The following FBN3 variants were observed in gnomAD, a reference collection of about 807,000 sequenced individuals.
FBN3 encodes the protein fibrillin-3.
Under a neutral mutation model 330.1 loss-of-function variants are expected in FBN3, and 234 were observed. That is an observed-to-expected ratio of 0.71 (90% CI 0.64 to 0.79). The LOEUF is 0.79. Among genes scored for constraint, FBN3 ranks in the 30% least tolerant of loss-of-function variants. The probability of loss-of-function intolerance (pLI) is 0.00; values close to 1 mark genes in which losing one functional copy is unlikely to be tolerated. For missense variants in FBN3, 3,606 were observed against 3,886.9 expected (o/e 0.93, Z 1.92); for synonymous variants, 1,458 against 1,517.3 (o/e 0.96, Z 0.91).
At chr19:8,068,778 T>G (rs913053752) in intron 63 of FBN3, among the ~76,000 whole-genome samples, 1 of 152,094 alleles carries the variant, frequency 6.6e-6, no homozygotes, top group Admixed American at 6.6e-5. Flanking sequence ...CCTTGGCATC[T>G]CAAGTCTGGT....
chr19:8,073,081 T>C lies in FBN3; in HGVS notation c.7919A>G (p.Tyr2640Cys). Residue 2640 changes from tyrosine (Y) to cysteine (C), a missense_variant, in exon 62 of 64, where the codon TAC becomes TGC. Physicochemically the swap from Tyr to Cys is radical, Grantham distance 194. Coordinates refer to ENST00000600128, the MANE Select transcript of FBN3 (RefSeq NM_032447.5). ...GGFLCGCPQG[Y>C]FRAGQGHCVS... ...CTCTCACCCTTGCCCAGCCCGGAAG[T>C]AGCCTTGAGGACAGCCGCACAGGAA... 3 of 1,609,666 alleles carry C rather than the reference T, an allele frequency of 1.9e-6. No individual in the cohort carries two copies. Among genetic ancestry groups the C allele is most frequent in the Non-Finnish European group, 2.5e-6 (3 of 1,177,478 alleles).
At chr19:8,091,732 T>C (rs967515219) in intron 47 of FBN3, 142 bp from the exon 48 acceptor site, 5 of 856,520 alleles carry the variant, frequency 5.8e-6, no homozygotes, top group Non-Finnish European at 7.2e-6. Context: ...GAGCTCAGTA[T>C]GAGCTTCAGC....
At chr19:8,094,921 C>G (rs1356775430) in intron 46 of FBN3, among the ~76,000 whole-genome samples, 2 of 152,222 alleles carry the variant, frequency 1.3e-5, no homozygotes, top group Non-Finnish European at 2.9e-5. Context: ...CCCTACACAA[C>G]AAACCCCATA....
chr19:8,123,410 C>T (rs2082900684), intron 24 of FBN3, 54 bp downstream of exon 24: 5 of 1,585,514 alleles, frequency 3.2e-6, no homozygotes, highest in East Asian at 2.3e-5. Context: ...TTATTTGAGG[C>T]CCCTATCCCT....
At chr19:8,127,048 G>GTTTT (rs140844932) in intron 18 of FBN3, among the ~76,000 whole-genome samples, 111 of 113,894 alleles carry the variant, frequency 9.7e-4, no homozygotes, top group African/African-American at 3.3e-3. Flanking sequence ...ATGCCAAACT[G>GTTTT]TTTTTTTTTT....
chr19:8,102,850 G>C lies in FBN3; in HGVS notation c.4963C>G (p.Arg1655Gly). The C allele has an allele frequency of 6.2e-7, 1 of 1,614,092 alleles. No individual in the cohort carries two copies. The highest frequency in any genetic ancestry group is 1.1e-5 in the South Asian group (1 of 91,080). ...TTTTGACATGTGCCGTTATAGTGCC[G>C]GAAGCAGACACTCTTCCTCATATCT... The part of the protein sequence containing the change: ...CMDMRKSVCF[R>G]HYNGTCQNEL... The change falls in exon 40 of 64, where the codon CGG becomes GGG. Residue 1655 changes from arginine (R) to glycine (G), a missense_variant. Transcript: ENST00000600128.
chr19:8,147,489 C>A lies in FBN3; in HGVS notation c.-9G>T. 6.8e-7 allele frequency: 1 copy of A among 1,462,198 alleles called. No homozygotes were observed. The highest frequency in any genetic ancestry group is 1.5e-5 in the South Asian group (1 of 68,632). The allele number at this position is 1,462,198 out of a possible 1,614,324, so 90.6% of individuals were successfully genotyped here. ...AGACCCTCCAGAGTCATGGCGTGTC[C>A]CCTGGAGGCTGCGGAGAGGAAGCAG... On this transcript the variant is annotated 5_prime_UTR_variant, in exon 2 of 64. Transcript: ENST00000600128.
rs780859831 is a variant in FBN3, at chr19:8,147,371, A to C, written c.110T>G (p.Leu37Trp). 6 of 1,601,894 alleles carry C rather than the reference A, an allele frequency of 3.7e-6. No individual in the cohort carries two copies. Among genetic ancestry groups the C allele is most frequent in the Admixed American group, 1.7e-5 (1 of 58,510 alleles). Residue 37 changes from leucine (L) to tryptophan (W), a missense_variant, in exon 2 of 64, where the codon TTG (leucine) becomes TGG (tryptophan). Coordinates refer to ENST00000600128, the MANE Select transcript of FBN3 (RefSeq NM_032447.5). ...CACACGTCCAGGACCTGCAGCCTCC[A>C]AGGCCCCGTCCCAGCGGCCTTGGCC... is the stretch of plus-strand genomic sequence containing the variant. ...AGGQGRWDGA[L>W]EAAGPGRVRR...
At chr19:8,136,167 T>C (rs8112525) in intron 12 of FBN3, 23 bp downstream of exon 12, 1,476,015 of 1,613,478 alleles carry the variant, frequency 0.91, 676,152 homozygotes, top group African/African-American at 0.96. Context: ...ACATCACCCC[T>C]ACTCTTGGAT....
In FBN3 at chr19:8,075,326, G is replaced by A. The variant is rs571052941; in HGVS notation, c.7539C>T (p.Cys2513=). 2.5e-6 allele frequency: 4 copies of A among 1,614,224 alleles called. No homozygotes were observed. The Admixed American group carries it at 5.0e-5, about 20-fold the overall frequency. The change falls in exon 60 of 64, where the codon TGC becomes TGT. Residue 2513 remains cysteine (C), a synonymous_variant. Transcript: ENST00000600128. ...AGCTGACCAGGGTGAAGCCTTGGTG[G>A]CATTCACAGCGGAAGCTGCCCGGGG... ...HNTPGSFRCE[C]HQGFTLVSSG...
At chr19:8,114,162 A>G (rs576173908) in intron 30 of FBN3, among the ~76,000 whole-genome samples, 2 of 152,274 alleles carry the variant, frequency 1.3e-5, no homozygotes, top group East Asian at 3.9e-4. Context: ...GCCCCCAAGA[A>G]GGTACTAACC....
intron 63 of FBN3, among the ~76,000 whole-genome samples, chr19:8,068,341 A>C (rs1381129794): frequency 6.6e-6 from 1 of 150,808 alleles, no homozygotes; most frequent in East Asian, 2.0e-4. Context: ...CAGTGAGTGG[A>C]GATCACGCTG....
Position 8,098,393 on chromosome 19 carries a change from G to C in FBN3, c.5162-979C>G, listed in dbSNP as rs183970583. On this transcript the variant is annotated intron_variant, in intron 41 of 63. Coordinates refer to ENST00000600128, the MANE Select transcript of FBN3 (RefSeq NM_032447.5). Reference sequence around the variant, plus strand: ...AATAACCTAAGTGCCCATCAATAGGGGACGGGAAACAACCTAAACAGGCAT... The same window carrying C: ...AATAACCTAAGTGCCCATCAATAGGCGACGGGAAACAACCTAAACAGGCAT... Among the ~76,000 whole-genome samples the C allele has an allele frequency of 2.1e-3, 313 of 151,552 alleles. 4 individuals carry two copies. Among genetic ancestry groups the C allele is most frequent in the African/African-American group, 7.2e-3 (298 of 41,120 alleles).
intron 3 of FBN3, 70 bp from the exon 4 acceptor site, chr19:8,146,295 C>A (rs527609439): frequency 2.2e-6 from 3 of 1,344,550 alleles, no homozygotes; most frequent in African/African-American, 2.9e-5. Flanking sequence ...CATTGGTGTC[C>A]GGGCTGGCCG....
Position 8,121,934 on chromosome 19 carries a change from A to G in FBN3, c.3083-548T>C, listed in dbSNP as rs960233102. Among the ~76,000 whole-genome samples, 6 of 151,350 alleles carry G rather than the reference A, an allele frequency of 4.0e-5. No homozygotes were observed. The highest frequency in any genetic ancestry group is 7.4e-5 in the Non-Finnish European group (5 of 67,920). On this transcript the variant is annotated intron_variant, in intron 24 of 63. Transcript: ENST00000600128. This position sits in a 1 kb window ranked among gnomAD's most constrained non-coding sequence, Gnocchi z 4.5. ...CCGGCTAATTTTGTATTTTTAGTAG[A>G]GATGGTGTTTCGCCATGTTGGCCAG...
chr19:8,108,904 G>A (rs1038797416), intron 36 of FBN3, among the ~76,000 whole-genome samples: 4 of 152,138 alleles, frequency 2.6e-5, no homozygotes, highest in Admixed American at 6.6e-5. Flanking sequence ...GAGAAGCAGC[G>A]TGCAGAGGCT....
At chr19:8,128,046 A>G (rs1281975620) in intron 18 of FBN3, among the ~76,000 whole-genome samples, 2 of 152,170 alleles carry the variant, frequency 1.3e-5, no homozygotes, top group African/African-American at 4.8e-5. Flanking sequence ...AATGATGAAC[A>G]GCCAGATGGA....
rs370285424 is a variant in FBN3, at chr19:8,141,228, G to A, written c.865+489C>T. 6.8e-3 allele frequency among the ~76,000 whole-genome samples: 1,012 copies of A among 149,722 alleles called. 8 individuals are homozygous for A. Among genetic ancestry groups the A allele is most frequent in the African/African-American group, 0.022 (906 of 40,598 alleles). Reference sequence around the variant, plus strand: ...AAAAAAAAAAAAAAATTAGCTAGGCGTGGTGGCGTGCGCCTGTACTCCCAG... The same window carrying A: ...AAAAAAAAAAAAAAATTAGCTAGGCATGGTGGCGTGCGCCTGTACTCCCAG... On this transcript the variant is annotated intron_variant, in intron 8 of 63. Transcript: ENST00000600128.
chr19:8,089,831 G>A, intron 50 of FBN3, 63 bp downstream of exon 50: 1 of 1,535,724 alleles, frequency 6.5e-7, no homozygotes, highest in South Asian at 1.2e-5. Flanking sequence ...AGAGACCCAG[G>A]CAGTGCGGAG....
Sources: gnomAD v4.1 joint callset for allele counts (sites outside exome capture counted in the v4.1 genomes callset) on GRCh38, gnomAD v4.1.1 for gene constraint, Gnocchi (gnomAD v3.1) non-coding constraint, MANE v1.5 for transcripts, NCBI Gene and HGNC (gene_info 2026-07-23, HGNC 2026-07-21) for gene names.